Variants in SLC44A1 observed in about 807,000 individuals in gnomAD.
SLC44A1 encodes the protein solute carrier family 44 member 1.
A neutral mutation model predicts 79.3 loss-of-function variants in SLC44A1; 26 were observed. The observed-to-expected ratio is 0.33, with a 90% confidence interval of 0.24 to 0.46. The LOEUF (loss-of-function observed/expected upper bound fraction) is 0.46, where lower values mean the gene tolerates loss of function less well. Among genes scored for constraint, SLC44A1 ranks in the 20% least tolerant of loss-of-function variants. SLC44A1 has a pLI of 1.00. For missense variants in SLC44A1, 688 were observed against 798.1 expected (o/e 0.86, Z 1.66); for synonymous variants, 263 against 286.2 (o/e 0.92, Z 0.82).
At chr9:105,282,908 A>G (rs895478570) in intron 1 of SLC44A1, among the ~76,000 whole-genome samples, 2 of 152,290 alleles carry the variant, frequency 1.3e-5, no homozygotes, top group South Asian at 4.1e-4. Flanking sequence ...TTGTGACGAT[A>G]TATCATCTTC....
intron 1 of SLC44A1, among the ~76,000 whole-genome samples, chr9:105,290,064 C>T (rs925537327): frequency 1.3e-5 from 2 of 152,146 alleles, no homozygotes; most frequent in Non-Finnish European, 2.9e-5. Flanking sequence ...GATCCACCCT[C>T]CTTGGCCTCC....
At chr9:105,252,134 C>CTTGTCTATAG (rs1373084004) in intron 1 of SLC44A1, among the ~76,000 whole-genome samples, 2 of 152,138 alleles carry the variant, frequency 1.3e-5, no homozygotes, top group Non-Finnish European at 2.9e-5. Context: ...AATTCATTTA[C>CTTGTCTATAG]TTGTCTATAG....
chr9:105,414,791 T>A (rs1829145692), intron 15 of SLC44A1, among the ~76,000 whole-genome samples: 1 of 151,888 alleles, frequency 6.6e-6, no homozygotes, highest in Non-Finnish European at 1.5e-5. Context: ...CTGGGCAACA[T>A]GGCGAGACCC....
intron 15 of SLC44A1, among the ~76,000 whole-genome samples, chr9:105,410,105 A>G (rs993640333): frequency 5.9e-5 from 9 of 152,252 alleles, no homozygotes; most frequent in African/African-American, 1.7e-4. Context: ...AGACCTAAAT[A>G]TAAGAGCTAA....
intron 14 of SLC44A1, among the ~76,000 whole-genome samples, 186 bp downstream of exon 14, chr9:105,383,545 C>T (rs1469580290): frequency 6.6e-6 from 1 of 152,222 alleles, no homozygotes. Flanking sequence ...TTGGCATGGA[C>T]AAGATCATTT....
intron 3 of SLC44A1, among the ~76,000 whole-genome samples, chr9:105,331,443 A>G (rs1826746244): frequency 6.6e-6 from 1 of 152,246 alleles, no homozygotes; most frequent in Non-Finnish European, 1.5e-5. Context: ...TACCATGCTT[A>G]TTACGATTAT....
chr9:105,315,818 T>C (rs1455312989), intron 3 of SLC44A1, among the ~76,000 whole-genome samples: 2 of 152,226 alleles, frequency 1.3e-5, no homozygotes. Flanking sequence ...TAAGCACTTG[T>C]ACAGTGTTTC....
rs1828781040 is a variant in SLC44A1, at chr9:105,392,395, CTCTCTCTCTTTT to C, written c.*3341_*3352del. ...TTTCTTTTGTAGAGATGCTCTCTCTCTCTCTCTCTTTTTTTTTTTTTTTTTTTTTTTTTTTCC... is the reference window on the plus strand; with the variant it reads ...TTTCTTTTGTAGAGATGCTCTCTCTCTTTTTTTTTTTTTTTTTTTTTTTCC... On this transcript the variant is annotated 3_prime_UTR_variant, in exon 16 of 16. Transcript: ENST00000374720. The C allele has an allele frequency of 1.2e-5, 11 of 886,880 alleles. No homozygotes were observed. The Admixed American group carries it at 9.5e-4, about 76-fold the overall frequency. The allele number at this position is 886,880 out of a possible 1,614,324, so 54.9% of individuals were successfully genotyped here. A position where few individuals can be genotyped will look rare whatever the true frequency, so the allele number is the denominator to read the frequency against.
chr9:105,315,576 C>T (rs1178263968), intron 3 of SLC44A1, among the ~76,000 whole-genome samples: 1 of 152,122 alleles, frequency 6.6e-6, no homozygotes, highest in Non-Finnish European at 1.5e-5. Flanking sequence ...GAAAACTGTG[C>T]TCACACTTTA....
chr9:105,353,037 T>C (rs184636260), intron 5 of SLC44A1, among the ~76,000 whole-genome samples: 3 of 152,330 alleles, frequency 2.0e-5, no homozygotes, highest in East Asian at 1.9e-4. Context: ...AATGTGCCTA[T>C]ATATTATTTC....
At chr9:105,320,060 C>T (rs142254757) in intron 3 of SLC44A1, among the ~76,000 whole-genome samples, 1 of 152,018 alleles carries the variant, frequency 6.6e-6, no homozygotes, top group Non-Finnish European at 1.5e-5. Flanking sequence ...ATCTGCTTTT[C>T]GTAGTATAGT....
Position 105,390,424 on chromosome 9 carries a change from T to G in SLC44A1, c.*1368T>G. The G allele has an allele frequency of 1.3e-6, 1 of 761,180 alleles. No homozygotes were observed. The highest frequency in any genetic ancestry group is 1.5e-6 in the Non-Finnish European group (1 of 653,754). 47.2% of individuals were successfully genotyped at this position (761,180 alleles called of 1,614,324 possible). A position where few individuals can be genotyped will look rare whatever the true frequency, so the allele number is the denominator to read the frequency against. ...TAAACTTATTGCACTAAATACAGGC[T>G]CTGTACAAAAAAAAAAAAAAAAAAA... On this transcript the variant is annotated 3_prime_UTR_variant, in exon 16 of 16. Coordinates refer to ENST00000374720, the MANE Select transcript of SLC44A1 (RefSeq NM_080546.5).
chr9:105,323,071 C>T (rs1826447172), intron 3 of SLC44A1, among the ~76,000 whole-genome samples: 1 of 150,278 alleles, frequency 6.7e-6, no homozygotes, highest in South Asian at 2.1e-4. Context: ...AAATACACCA[C>T]CAGGCGTGGT....
chr9:105,400,152 G>T (rs1342774025), downstream of SLC44A1, among the ~76,000 whole-genome samples: 1 of 151,736 alleles, frequency 6.6e-6, no homozygotes, highest in African/African-American at 2.4e-5. Context: ...CCGAGATCGT[G>T]CCATTGCACT....
At chr9:105,249,819 G>A (rs111263410) in intron 1 of SLC44A1, among the ~76,000 whole-genome samples, 1 of 150,960 alleles carries the variant, frequency 6.6e-6, no homozygotes, top group Non-Finnish European at 1.5e-5. Flanking sequence ...ACAGGCATGA[G>A]CCTCCATGCC....
chr9:105,394,738 C>CA lies in SLC44A1; in HGVS notation c.*5688dup, dbSNP rs1311127764. The stretch of plus-strand genomic sequence containing the variant: ...AAACTCAAGGGTAGTCCATAGTTGG[C>CA]AAAAAATAAATTTGGTAGAAAGTTG... On this transcript the variant is annotated 3_prime_UTR_variant, in exon 16 of 16. Transcript: ENST00000374720. The CA allele has an allele frequency of 1.0e-6, 1 of 985,174 alleles. No homozygotes were observed. The highest frequency in any genetic ancestry group is 1.7e-5 in the African/African-American group (1 of 57,212). 61.0% of individuals were successfully genotyped at this position (985,174 alleles called of 1,614,324 possible).
chr9:105,339,287 C>T (rs1588800129), intron 4 of SLC44A1, among the ~76,000 whole-genome samples: 1 of 151,338 alleles, frequency 6.6e-6, no homozygotes, highest in African/African-American at 2.4e-5. Flanking sequence ...AGAATCGGAA[C>T]CTTTGTGTAC....
At chr9:105,273,738 G>A (rs747776886) in intron 1 of SLC44A1, among the ~76,000 whole-genome samples, 33 of 151,890 alleles carry the variant, frequency 2.2e-4, no homozygotes, top group Admixed American at 3.3e-4. Context: ...GTACATAGCC[G>A]TATCATACTT....
chr9:105,391,380 C>G lies in SLC44A1; in HGVS notation c.*2324C>G, dbSNP rs779267098. On this transcript the variant is annotated 3_prime_UTR_variant, in exon 16 of 16. Coordinates refer to ENST00000374720, the MANE Select transcript of SLC44A1 (RefSeq NM_080546.5). ...ATTTTATATAACAGGTCCTGTTTTA[C>G]AAATAAATTTTGTTTTACTAACATT... 7 of 983,608 alleles carry G rather than the reference C, an allele frequency of 7.1e-6. No individual in the cohort carries two copies. Among genetic ancestry groups the G allele is most frequent in the Non-Finnish European group, 8.5e-6 (7 of 827,896 alleles). 60.9% of individuals were successfully genotyped at this position (983,608 alleles called of 1,614,324 possible).
Sources: allele counts gnomAD v4.1 joint callset (sites outside exome capture counted in the v4.1 genomes callset), GRCh38; gene constraint gnomAD v4.1.1; transcripts MANE v1.5; gene names NCBI Gene and HGNC (gene_info 2026-07-23, HGNC 2026-07-21).